The following FAT3 variants were observed in gnomAD, a reference collection of about 807,000 sequenced individuals.
The protein encoded by FAT3 is FAT atypical cadherin 3, also known as protocadherin Fat 3.
Under a neutral mutation model 310.2 loss-of-function variants are expected in FAT3, and 95 were observed. The observed-to-expected ratio is 0.31, with a 90% CI of 0.26 to 0.36. The LOEUF (loss-of-function observed/expected upper bound fraction) is 0.36. Among genes scored for constraint, FAT3 ranks in the 10% least tolerant of loss-of-function variants. The pLI is 1.00. For missense variants in FAT3, 5,408 were observed against 5,715.6 expected (o/e 0.95, Z 1.74); for synonymous variants, 2,314 against 2,192.9 (o/e 1.06, Z -1.54).
intron 3 of FAT3, among the ~76,000 whole-genome samples, chr11:92,624,057 A>G (rs1026159973): frequency 3.9e-5 from 6 of 152,204 alleles, no homozygotes; most frequent in African/African-American, 1.4e-4. Flanking sequence ...GACAAACAAA[A>G]TATGACCTCT....
chr11:92,258,945 A>T (rs1050185561), intron 1 of FAT3, among the ~76,000 whole-genome samples: 1 of 150,158 alleles, frequency 6.7e-6, no homozygotes, highest in Admixed American at 6.6e-5. Context: ...TAGGGGTTAG[A>T]TGGCAAGGAG....
intron 6 of FAT3, among the ~76,000 whole-genome samples, chr11:92,766,315 C>T (rs1410637358): frequency 6.6e-6 from 1 of 152,120 alleles, no homozygotes; most frequent in East Asian, 1.9e-4. Flanking sequence ...CTAAAGCTGA[C>T]TTCCCACGCT....
chr11:92,827,390 T>G (rs1349051290), intron 13 of FAT3, among the ~76,000 whole-genome samples: 1 of 152,154 alleles, frequency 6.6e-6, no homozygotes, highest in Admixed American at 6.5e-5. Flanking sequence ...TTATTTAACT[T>G]GGAAAGGAGT....
At chr11:92,666,959 G>T (rs933786739) in intron 3 of FAT3, among the ~76,000 whole-genome samples, 7 of 152,092 alleles carry the variant, frequency 4.6e-5, no homozygotes, top group African/African-American at 1.4e-4. Context: ...AGTAACCCCA[G>T]CCAATGGGGT....
At chr11:92,410,804 CAATA>C (rs1950240171) in intron 2 of FAT3, among the ~76,000 whole-genome samples, 2 of 151,686 alleles carry the variant, frequency 1.3e-5, no homozygotes, top group South Asian at 4.1e-4. Flanking sequence ...GCAAAATAAA[CAATA>C]AATAAAAAAT....
chr11:92,301,960 T>C (rs1202651661), intron 1 of FAT3, among the ~76,000 whole-genome samples: 2 of 152,048 alleles, frequency 1.3e-5, no homozygotes, highest in Non-Finnish European at 2.9e-5. Flanking sequence ...ACTGACATCA[T>C]ACTAATGAAA....
chr11:92,412,735 AT>A lies in FAT3; in HGVS notation c.3292+57332del, dbSNP rs1565296412. On this transcript the variant is annotated intron_variant, in intron 2 of 27. Transcript: ENST00000525166. Reference sequence around the variant, plus strand: ...TATATATATATATATATATATATATATATATATATAAATATACATACATATA... The same window carrying A: ...TATATATATATATATATATATATATAATATATATAAATATACATACATATA... 6.4e-3 allele frequency among the ~76,000 whole-genome samples: 353 copies of A among 55,204 alleles called. 43 individuals are homozygous for A. The highest frequency in any genetic ancestry group is 0.02 in the East Asian group (38 of 1,888). The allele number at this position is 55,204 out of a possible 152,430, so 36.2% of individuals were successfully genotyped here.
At chr11:92,642,913 C>G (rs1000865990) in intron 3 of FAT3, among the ~76,000 whole-genome samples, 1 of 152,234 alleles carries the variant, frequency 6.6e-6, no homozygotes, top group African/African-American at 2.4e-5. Flanking sequence ...CTAACCCTTA[C>G]TCTGCCATGC....
intron 5 of FAT3, 115 bp downstream of exon 5, chr11:92,762,285 T>C: frequency 9.4e-7 from 1 of 1,065,634 alleles, no homozygotes; most frequent in Non-Finnish European, 1.3e-6. Context: ...GCCACACAGC[T>C]GTGGAAGGGT....
At position 92,866,928 on chromosome 11, in the gene FAT3, C is replaced by T. The variant is rs781625154; in HGVS notation, c.11846C>T (p.Thr3949Met). The change falls in exon 22 of 28, where the codon ACG (threonine) becomes ATG (methionine). Residue 3949 changes from threonine to methionine, a missense_variant. Physicochemically the swap from Thr to Met is moderately conservative, Grantham distance 81. Coordinates refer to ENST00000525166, the MANE Select transcript of FAT3 (RefSeq NM_001367949.2). ...ERRRAPLYFQ[T>M]LSTESSIYFG... ...CGCCGGGCGCCCCTCTACTTCCAGA[C>T]GCTGAGCACTGAGAGTAGCATCTAC... The T allele has an allele frequency of 4.3e-6, 7 of 1,613,920 alleles. No homozygotes were observed. The Admixed American group carries it at 6.7e-5, about 15-fold the overall frequency.
At chr11:92,748,857 A>G (rs554769010) in intron 4 of FAT3, 1 of 152,324 alleles carries the variant, frequency 6.6e-6, no homozygotes, top group Non-Finnish European at 1.5e-5. Context: ...TTCACCTTTC[A>G]GAAAGTTTAT....
chr11:92,605,719 GTTTTTTTT>G (rs5793613), intron 3 of FAT3, among the ~76,000 whole-genome samples: 3 of 99,760 alleles, frequency 3.0e-5, no homozygotes, highest in African/African-American at 8.4e-5. Flanking sequence ...AAATAGCTAT[GTTTTTTTT>G]TTTTTTTTTT....
At chr11:92,235,072 CAAA>C (rs757114482) in intron 1 of FAT3, among the ~76,000 whole-genome samples, 1 of 127,718 alleles carries the variant, frequency 7.8e-6, no homozygotes. Flanking sequence ...CTCCATCTCT[CAAA>C]AAAAAAAAAA....
intron 4 of FAT3, among the ~76,000 whole-genome samples, chr11:92,706,241 A>G (rs543117025): frequency 6.6e-5 from 10 of 152,242 alleles, no homozygotes; most frequent in African/African-American, 2.4e-4. Flanking sequence ...TTGCAGATGT[A>G]CCACTTAAAT....
At chr11:92,472,615 G>A (rs143997892) in intron 2 of FAT3, among the ~76,000 whole-genome samples, 162 of 152,280 alleles carry the variant, frequency 1.1e-3, no homozygotes, top group Non-Finnish European at 1.6e-3. Context: ...ACTGTCTTGT[G>A]TATATAGCAT....
At chr11:92,507,656 A>G (rs1271862763) in intron 2 of FAT3, among the ~76,000 whole-genome samples, 1 of 150,902 alleles carries the variant, frequency 6.6e-6, no homozygotes. Context: ...ATATACATAT[A>G]TACACATATA....
At chr11:92,771,564 G>A (rs928740125) in intron 6 of FAT3, among the ~76,000 whole-genome samples, 9 of 152,218 alleles carry the variant, frequency 5.9e-5, no homozygotes, top group African/African-American at 2.2e-4. Context: ...CTGGAAATGA[G>A]TGTCCGAGGC....
intron 1 of FAT3, among the ~76,000 whole-genome samples, chr11:92,315,506 TATATATAGAGAGAGAGAGAG>T (rs1386345632): frequency 2.1e-4 from 18 of 86,604 alleles, no homozygotes; most frequent in African/African-American, 8.3e-4. Flanking sequence ...TATATATATA[TATATATAGAGAGAGAGAGAG>T]AGAGAGAGAG....
chr11:92,240,528 A>G (rs1430562585), intron 1 of FAT3, among the ~76,000 whole-genome samples: 1 of 151,516 alleles, frequency 6.6e-6, no homozygotes, highest in African/African-American at 2.4e-5. Context: ...GTAGTAACTA[A>G]TAGTAATACT....
Sources: gnomAD v4.1 joint callset for allele counts (sites outside exome capture counted in the v4.1 genomes callset) on GRCh38, gnomAD v4.1.1 for gene constraint, MANE v1.5 for transcripts, NCBI Gene and HGNC (gene_info 2026-07-23, HGNC 2026-07-21) for gene names.